Variants in SETD2 observed in about 807,000 individuals in gnomAD.
SETD2 encodes the protein SET domain containing 2, histone lysine methyltransferase.
In SETD2, 31 loss-of-function variants were observed where a neutral mutation model predicts 242.1. That is an observed-to-expected ratio of 0.13 (90% confidence interval 0.10 to 0.17). The LOEUF is 0.17. Ranked by LOEUF, SETD2 falls within the 10% of genes least tolerant of loss-of-function variation. The probability of loss-of-function intolerance (pLI) is 1.00; values close to 1 mark genes in which losing one functional copy is unlikely to be tolerated. For synonymous variants in SETD2, 1,006 were observed against 1,066.5 expected, an observed-to-expected ratio of 0.94 and a Z score of 1.11; for missense variants, 2,481 against 3,046.3, an observed-to-expected ratio of 0.81 and a Z score of 4.37.
At chr3:47,115,964 G>C in intron 4 of SETD2, among the ~76,000 whole-genome samples, 1 of 152,080 alleles carries the variant, frequency 6.6e-6, no homozygotes. Flanking sequence ...ATTTTTTAAT[G>C]TAAAGATATT....
chr3:47,143,693 T>G (rs998600683), intron 1 of SETD2, among the ~76,000 whole-genome samples: 1 of 152,208 alleles, frequency 6.6e-6, no homozygotes, highest in Non-Finnish European at 1.5e-5. Flanking sequence ...ATCTCAAATG[T>G]CAAGTTACAT....
At chr3:47,051,680 T>C (rs559743902) in intron 15 of SETD2, among the ~76,000 whole-genome samples, 1 of 152,206 alleles carries the variant, frequency 6.6e-6, no homozygotes, top group Non-Finnish European at 1.5e-5. Context: ...TTTAATATTC[T>C]GATATTGATT....
At chr3:47,042,306 G>C (rs913907527) in intron 17 of SETD2, among the ~76,000 whole-genome samples, 2 of 152,218 alleles carry the variant, frequency 1.3e-5, no homozygotes, top group African/African-American at 4.8e-5. Flanking sequence ...AGGTTGCAGT[G>C]AGTTGAGATC....
chr3:47,055,604 G>T (rs1049517799), intron 15 of SETD2, among the ~76,000 whole-genome samples: 5 of 152,034 alleles, frequency 3.3e-5, no homozygotes, highest in Non-Finnish European at 7.4e-5. Flanking sequence ...GAGGTGGGAA[G>T]ATCACTTGAG....
chr3:47,060,004 T>A (rs571857725), intron 14 of SETD2, among the ~76,000 whole-genome samples: 2 of 152,236 alleles, frequency 1.3e-5, no homozygotes, highest in African/African-American at 4.8e-5. Context: ...AGGCTAGTCT[T>A]GAACTCCTGA....
chr3:47,093,104 G>C (rs940982511), intron 9 of SETD2, among the ~76,000 whole-genome samples: 5 of 152,034 alleles, frequency 3.3e-5, no homozygotes, highest in Non-Finnish European at 7.4e-5. Context: ...ACATGTGCAA[G>C]AACATGCAGG....
At chr3:47,027,336 C>CAAAAAAAAAAAAAA (rs145911577) in intron 18 of SETD2, among the ~76,000 whole-genome samples, 1 of 103,766 alleles carries the variant, frequency 9.6e-6, no homozygotes. Flanking sequence ...GACTCCATCT[C>CAAAAAAAAAAAAAA]AAAAAAAAAA....
At chr3:47,040,569 A>ATTTTTTTTTTTTTTTTTT (rs34309892) in intron 17 of SETD2, among the ~76,000 whole-genome samples, 3 of 91,720 alleles carry the variant, frequency 3.3e-5, no homozygotes, top group African/African-American at 1.3e-4. Flanking sequence ...AGGGAAAAGG[A>ATTTTTTTTTTTTTTTTTT]TTTTTTTTTT....
At chr3:47,072,662 A>T (rs1421880024) in intron 12 of SETD2, among the ~76,000 whole-genome samples, 2 of 152,020 alleles carry the variant, frequency 1.3e-5, no homozygotes, top group African/African-American at 4.8e-5. Flanking sequence ...TGAAAAAATT[A>T]GGACCGGGCA....
chr3:47,139,980 A>G (rs963577129), intron 1 of SETD2, among the ~76,000 whole-genome samples: 1 of 152,166 alleles, frequency 6.6e-6, no homozygotes, highest in African/African-American at 2.4e-5. Flanking sequence ...TACCGACTAA[A>G]TCTAGAAAAA....
rs2106687723 is a variant in SETD2, at chr3:47,122,799, C to G, written c.1837G>C (p.Gly613Arg). The G allele has an allele frequency of 6.2e-7, 1 of 1,613,150 alleles. No homozygotes were observed. The highest frequency in any genetic ancestry group is 8.5e-7 in the Non-Finnish European group (1 of 1,179,770). ...INKNPEREKA[G>R]SPAPSNRLND... ...AATCGATTTGATGGAGCTGGAGACC[C>G]AGCCTTTTCTCTTTCAGGATTTTTA... Residue 613 changes from glycine (G) to arginine (R), a missense_variant, in exon 3 of 21, where the codon GGG becomes CGG. Around this residue, in one of 17 missense-constraint regions of SETD2, gnomAD observed 1,300 missense variants for 1,259.2 expected, o/e 1.03. Transcript: ENST00000409792.
chr3:47,108,254 C>G (rs1474681041), intron 5 of SETD2, among the ~76,000 whole-genome samples: 1 of 152,152 alleles, frequency 6.6e-6, no homozygotes, highest in Non-Finnish European at 1.5e-5. Context: ...GGATCTGGAA[C>G]TGCACACATA....
intron 12 of SETD2, among the ~76,000 whole-genome samples, chr3:47,077,795 T>C (rs2041155315): frequency 1.3e-5 from 2 of 152,090 alleles, no homozygotes; most frequent in African/African-American, 4.8e-5. Flanking sequence ...CAGCATATTG[T>C]AGCAAAAAGG....
chr3:47,042,840 G>A (rs1354448488), intron 16 of SETD2, 140 bp from the exon 17 acceptor site: 3 of 765,590 alleles, frequency 3.9e-6, no homozygotes, highest in Admixed American at 2.8e-5. Context: ...TACAGTCTGG[G>A]AAATAAGGGA....
intron 10 of SETD2, among the ~76,000 whole-genome samples, chr3:47,086,661 T>C (rs1303068197): frequency 6.6e-6 from 1 of 151,882 alleles, no homozygotes; most frequent in African/African-American, 2.4e-5. Flanking sequence ...TAAAAATTAG[T>C]CCTTAAATAA....
At position 47,069,620 on chromosome 3, in the gene SETD2, T is replaced by C. The variant is rs143705437; in HGVS notation, c.6061-2502A>G. Among the ~76,000 whole-genome samples the C allele has an allele frequency of 1.5e-3, 223 of 152,254 alleles. 2 individuals carry two copies. Among genetic ancestry groups the C allele is most frequent in the Admixed American group, 0.013 (197 of 15,288 alleles). Reference sequence around the variant, plus strand: ...AGAGAATCTGGGAGAAAAAACTAGGTAGGCCTGCCCTCAGCTAAGAGACAT... The same window carrying C: ...AGAGAATCTGGGAGAAAAAACTAGGCAGGCCTGCCCTCAGCTAAGAGACAT... On this transcript the variant is annotated intron_variant, in intron 12 of 20. Transcript: ENST00000409792.
intron 11 of SETD2, among the ~76,000 whole-genome samples, chr3:47,085,023 C>T (rs139476163): frequency 6.6e-4 from 100 of 152,080 alleles, no homozygotes; most frequent in African/African-American, 2.2e-3. Flanking sequence ...TGAGCCACAG[C>T]GCCTGGCCTA....
At chr3:47,161,941 G>T (rs535098445) in intron 1 of SETD2, among the ~76,000 whole-genome samples, 2 of 149,850 alleles carry the variant, frequency 1.3e-5, no homozygotes, top group Non-Finnish European at 3.0e-5. Context: ...AAATACACGA[G>T]AATTTAAAAA....
intron 3 of SETD2, among the ~76,000 whole-genome samples, chr3:47,117,161 G>C (rs2042886985): frequency 6.6e-6 from 1 of 151,332 alleles, no homozygotes; most frequent in African/African-American, 2.4e-5. Flanking sequence ...CACTACGCCT[G>C]GCTAGATTCA....
Sources: gnomAD v4.1 joint callset for allele counts (sites outside exome capture counted in the v4.1 genomes callset) on GRCh38, gnomAD v4.1.1 for gene constraint, gnomAD v4.1.1 regional missense constraint, MANE v1.5 for transcripts, NCBI Gene and HGNC (gene_info 2026-07-23, HGNC 2026-07-21) for gene names.